DLGAP2: variants seen among roughly 807,000 people sequenced by gnomAD.
DLGAP2 encodes the protein disks large-associated protein 2.
Under a neutral mutation model 100.3 loss-of-function variants are expected in DLGAP2, and 26 were observed. That is an observed-to-expected ratio of 0.26 (90% CI 0.19 to 0.36). DLGAP2 has a LOEUF of 0.36. Ranked by LOEUF, DLGAP2 falls within the 10% of genes least tolerant of loss-of-function variation. DLGAP2 has a pLI of 1.00. For synonymous variants in DLGAP2, 886 were observed against 630.1 expected, an observed-to-expected ratio of 1.41 and a Z score of -6.08; for missense variants, 1,858 against 1,453.2, an observed-to-expected ratio of 1.28 and a Z score of -4.53.
intron 2 of DLGAP2, among the ~76,000 whole-genome samples, chr8:1,203,286 C>T (rs1294533528): frequency 6.7e-6 from 1 of 149,242 alleles, no homozygotes; most frequent in Non-Finnish European, 1.5e-5. Context: ...GGCCGCCCAC[C>T]CCTCGGTGTT....
intron 4 of DLGAP2, among the ~76,000 whole-genome samples, chr8:1,537,082 G>A (rs1352014003): frequency 6.6e-6 from 1 of 151,930 alleles, no homozygotes; most frequent in Admixed American, 6.6e-5. Flanking sequence ...TATGTGGTAT[G>A]TGGTATGTGG....
At chr8:1,164,069 C>G (rs11784999) in intron 2 of DLGAP2, among the ~76,000 whole-genome samples, 42,178 of 50,672 alleles carry the variant, frequency 0.83, 17,975 homozygotes, top group Middle Eastern at 0.89. Context: ...CTGACGCTGG[C>G]GCCGTCTTCT....
chr8:906,217 G>A (rs950151088), intron 1 of DLGAP2, among the ~76,000 whole-genome samples: 1 of 152,242 alleles, frequency 6.6e-6, no homozygotes, highest in Non-Finnish European at 1.5e-5. Context: ...GACTAGGTCA[G>A]CGTTTCCACT....
At chr8:854,653 CTG>C (rs1330992805) in intron 1 of DLGAP2, among the ~76,000 whole-genome samples, 1 of 152,138 alleles carries the variant, frequency 6.6e-6, no homozygotes, top group Admixed American at 6.5e-5. Context: ...GTGCATGTGT[CTG>C]TGTGTGTTCA....
intron 13 of DLGAP2, among the ~76,000 whole-genome samples, chr8:1,694,830 A>C (rs772397541): frequency 2.0e-5 from 3 of 152,170 alleles, no homozygotes; most frequent in Non-Finnish European, 4.4e-5. Flanking sequence ...GCTGGGGGAA[A>C]GGGAATGGCA....
At chr8:1,341,637 T>G (rs1801420674) in intron 3 of DLGAP2, among the ~76,000 whole-genome samples, 1 of 152,184 alleles carries the variant, frequency 6.6e-6, no homozygotes, top group African/African-American at 2.4e-5. Flanking sequence ...CAGGTAAATA[T>G]GAACTTGTGG....
intron 2 of DLGAP2, among the ~76,000 whole-genome samples, chr8:1,086,292 C>A (rs1043780449): frequency 6.6e-6 from 1 of 152,100 alleles, no homozygotes; most frequent in Non-Finnish European, 1.5e-5. Context: ...ACTTCTAGTA[C>A]TATATCGAAT....
intron 5 of DLGAP2, among the ~76,000 whole-genome samples, chr8:1,560,529 C>G (rs1802122271): frequency 6.6e-6 from 1 of 152,184 alleles, no homozygotes. Flanking sequence ...GTCCCTGACC[C>G]TGGGCTGCAT....
At chr8:881,762 C>G (rs1218557663) in intron 1 of DLGAP2, among the ~76,000 whole-genome samples, 1 of 151,422 alleles carries the variant, frequency 6.6e-6, no homozygotes, top group Non-Finnish European at 1.5e-5. Context: ...TGTGATCCAC[C>G]CGCCTCAGCC....
chr8:1,237,176 C>T (rs1351588837), intron 2 of DLGAP2, among the ~76,000 whole-genome samples: 5 of 139,258 alleles, frequency 3.6e-5, no homozygotes, highest in Admixed American at 2.8e-4. Context: ...AGTTCTCTCA[C>T]ATGGCGCCGT....
intron 3 of DLGAP2, among the ~76,000 whole-genome samples, chr8:1,340,071 A>G (rs1351042859): frequency 1.3e-5 from 2 of 152,166 alleles, no homozygotes; most frequent in Admixed American, 6.6e-5. Context: ...CCTTTCTTCC[A>G]CCATATGCCA....
chr8:804,732 G>T (rs751779286), intron 1 of DLGAP2, among the ~76,000 whole-genome samples: 1 of 152,160 alleles, frequency 6.6e-6, no homozygotes, highest in Non-Finnish European at 1.5e-5. Context: ...CAAGGGCACT[G>T]GTTGTCCTAT....
rs548684312 is a variant in DLGAP2 at position 804,220 on chromosome 8, A to G, written c.18+66395A>G. On this transcript the variant is annotated intron_variant, in intron 1 of 14. Transcript: ENST00000637795. ...TGCTCCCTGGAGTCAGAGCTATTCTAGATTTTTCCTTGAAGTCTATTTTAG... is the reference window on the plus strand; with the variant it reads ...TGCTCCCTGGAGTCAGAGCTATTCTGGATTTTTCCTTGAAGTCTATTTTAG... Among the ~76,000 whole-genome samples the G allele has an allele frequency of 1.1e-3, 166 of 152,354 alleles. 1 individual carries two copies. The highest frequency in any genetic ancestry group is 3.9e-3 in the African/African-American group (161 of 41,576).
rs1803733449 is a variant in DLGAP2, at chr8:1,079,625, CTG to C, written c.73+171662_73+171663del. On this transcript the variant is annotated intron_variant, in intron 2 of 14. Coordinates refer to ENST00000637795, the MANE Select transcript of DLGAP2 (RefSeq NM_001346810.2). ...TGTTTATCTTAGGAACATTTATGGA[CTG>C]TGAACGATGAATAGGAACTCTCCGA... Among the ~76,000 whole-genome samples, 4 of 152,280 alleles carry C rather than the reference CTG, an allele frequency of 2.6e-5. 1 individual carries two copies. The South Asian group carries it at 8.3e-4, about 32-fold the overall frequency.
intron 2 of DLGAP2, among the ~76,000 whole-genome samples, chr8:1,231,527 T>C (rs919651857): frequency 2.0e-5 from 3 of 152,150 alleles, no homozygotes; most frequent in Non-Finnish European, 2.9e-5. Flanking sequence ...AAAAGACACA[T>C]GCACTCACCT....
At chr8:1,343,886 C>T (rs1439363980) in intron 3 of DLGAP2, among the ~76,000 whole-genome samples, 3 of 152,182 alleles carry the variant, frequency 2.0e-5, no homozygotes, top group Non-Finnish European at 2.9e-5. Context: ...AGCCCTCTCA[C>T]GCTTCTCACG....
At chr8:1,581,196 AAC>A (rs1258453891) in intron 6 of DLGAP2, among the ~76,000 whole-genome samples, 2 of 150,674 alleles carry the variant, frequency 1.3e-5, no homozygotes, top group Non-Finnish European at 1.5e-5. Flanking sequence ...ACATCTACAC[AAC>A]ACAGTCAAAC....
chr8:1,456,256 C>G (rs1171422972), intron 3 of DLGAP2, among the ~76,000 whole-genome samples: 1 of 152,190 alleles, frequency 6.6e-6, no homozygotes, highest in Non-Finnish European at 1.5e-5. Flanking sequence ...CGCTGCCTTC[C>G]TCATTGGCAG....
chr8:1,495,832 G>C (rs1799529305), intron 3 of DLGAP2, among the ~76,000 whole-genome samples: 1 of 152,176 alleles, frequency 6.6e-6, no homozygotes, highest in African/African-American at 2.4e-5. Flanking sequence ...CCCGGACTCA[G>C]CGCATCTCTA....
Sources: gnomAD v4.1 joint callset for allele counts (sites outside exome capture counted in the v4.1 genomes callset) on GRCh38, gnomAD v4.1.1 for gene constraint, MANE v1.5 for transcripts, NCBI Gene and HGNC (gene_info 2026-07-23, HGNC 2026-07-21) for gene names.